GPC5: variants seen among roughly 807,000 people sequenced by gnomAD.
GPC5 encodes the protein glypican-5.
GPC5 carries 47 observed loss-of-function variants against 53.9 expected under a neutral mutation model. The observed-to-expected ratio is 0.87, with a 90% CI of 0.69 to 1.11. The LOEUF (loss-of-function observed/expected upper bound fraction) is 1.11, where lower values mean the gene tolerates loss of function less well. GPC5 is among the 50% of genes most tolerant of loss of function. GPC5 has a pLI of 0.00. For synonymous variants in GPC5, 286 were observed against 263.3 expected (o/e 1.09, Z -0.84); for missense variants, 748 against 713.1 (o/e 1.05, Z -0.56).
intron 2 of GPC5, among the ~76,000 whole-genome samples, chr13:91,557,163 T>C (rs2031005154): frequency 6.6e-6 from 1 of 152,090 alleles, no homozygotes; most frequent in Admixed American, 6.6e-5. Context: ...ATTTACCTTC[T>C]TGCCAGCTAT....
chr13:91,832,180 T>A (rs1420301819), intron 5 of GPC5, among the ~76,000 whole-genome samples: 1 of 152,196 alleles, frequency 6.6e-6, no homozygotes, highest in Non-Finnish European at 1.5e-5. Flanking sequence ...TAGTTAGCTC[T>A]TCTTGTTGCA....
chr13:92,000,428 GTATAT>G (rs1319996342), intron 6 of GPC5, among the ~76,000 whole-genome samples: 1 of 151,920 alleles, frequency 6.6e-6, no homozygotes, highest in Non-Finnish European at 1.5e-5. Context: ...CCAAACTGGA[GTATAT>G]TATATTATAA....
chr13:91,475,187 C>G (rs1882860216), intron 2 of GPC5, among the ~76,000 whole-genome samples: 1 of 152,092 alleles, frequency 6.6e-6, no homozygotes. Flanking sequence ...TTCTCCTGTG[C>G]TTTTTCTGAA....
chr13:91,578,750 G>A lies in GPC5; in HGVS notation c.326-114437G>A, dbSNP rs534505800. Among the ~76,000 whole-genome samples, 45 of 151,720 alleles carry A rather than the reference G, an allele frequency of 3.0e-4. 1 individual carries two copies. Among genetic ancestry groups the A allele is most frequent in the Non-Finnish European group, 5.9e-4 (40 of 67,964 alleles). On this transcript the variant is annotated intron_variant, in intron 2 of 7. Coordinates refer to ENST00000377067, the MANE Select transcript of GPC5 (RefSeq NM_004466.6). ...ATTTTCAAAGTAGTAAGTAATTAAC[G>A]AATGTAAATTTTAGGCCGGGTGCGG...
intron 2 of GPC5, among the ~76,000 whole-genome samples, chr13:91,451,353 G>A (rs1174867250): frequency 2.0e-5 from 3 of 152,126 alleles, no homozygotes; most frequent in Non-Finnish European, 2.9e-5. Flanking sequence ...TGACCCCACG[G>A]AAACATATTT....
intron 7 of GPC5, among the ~76,000 whole-genome samples, chr13:92,452,095 T>G (rs753661167): frequency 6.6e-6 from 1 of 152,158 alleles, no homozygotes; most frequent in Admixed American, 6.5e-5. Context: ...ACAGTTAAAA[T>G]AGTAAATCCC....
chr13:92,772,715 T>C (rs1317578810), intron 7 of GPC5, among the ~76,000 whole-genome samples: 1 of 152,222 alleles, frequency 6.6e-6, no homozygotes, highest in Non-Finnish European at 1.5e-5. Context: ...TGTTCTCTGC[T>C]GTATTTCCAA....
chr13:92,707,727 A>G (rs1284972820), intron 7 of GPC5, among the ~76,000 whole-genome samples: 1 of 152,150 alleles, frequency 6.6e-6, no homozygotes, highest in Non-Finnish European at 1.5e-5. Context: ...TTCTCAGCTT[A>G]GGCTACAATC....
intron 3 of GPC5, among the ~76,000 whole-genome samples, chr13:91,702,470 AT>A (rs1309062433): frequency 8.6e-5 from 13 of 152,008 alleles, no homozygotes; most frequent in Non-Finnish European, 1.3e-4. Flanking sequence ...GCATAAATTT[AT>A]TTCTGGGATC....
intron 7 of GPC5, among the ~76,000 whole-genome samples, chr13:92,230,293 A>G (rs2042520370): frequency 6.6e-6 from 1 of 152,186 alleles, no homozygotes; most frequent in African/African-American, 2.4e-5. Flanking sequence ...GTATATCTTC[A>G]GTGTTGTGCT....
chr13:91,647,134 C>A (rs937004534), intron 2 of GPC5, among the ~76,000 whole-genome samples: 2 of 149,176 alleles, frequency 1.3e-5, no homozygotes, highest in Non-Finnish European at 3.0e-5. Context: ...CTATGGCATT[C>A]ATTCATGTAA....
chr13:91,994,689 A>G (rs955046650), intron 6 of GPC5: 4 of 152,228 alleles, frequency 2.6e-5, no homozygotes, highest in Non-Finnish European at 5.9e-5. Flanking sequence ...CCAGAGCAAC[A>G]GAACAGGGTA....
chr13:92,618,092 A>G (rs768372062), intron 7 of GPC5, among the ~76,000 whole-genome samples: 1 of 152,186 alleles, frequency 6.6e-6, no homozygotes, highest in African/African-American at 2.4e-5. Context: ...CACCAGTGAA[A>G]CTAAGAACAG....
At chr13:92,142,479 T>G (rs562535752) in intron 6 of GPC5, among the ~76,000 whole-genome samples, 4 of 152,310 alleles carry the variant, frequency 2.6e-5, no homozygotes, top group African/African-American at 9.6e-5. Context: ...AGACATTTCC[T>G]AGAATGTCAC....
At chr13:92,205,421 C>T (rs1216400543) in intron 7 of GPC5, among the ~76,000 whole-genome samples, 2 of 152,156 alleles carry the variant, frequency 1.3e-5, no homozygotes, top group African/African-American at 4.8e-5. Flanking sequence ...CACCAGGAGT[C>T]ACCTCATTAG....
intron 7 of GPC5, among the ~76,000 whole-genome samples, chr13:92,559,940 G>T (rs1489045238): frequency 6.6e-6 from 1 of 151,076 alleles, no homozygotes; most frequent in Non-Finnish European, 1.5e-5. Flanking sequence ...GCACCCAAGA[G>T]TTCAGCATTA....
intron 7 of GPC5, among the ~76,000 whole-genome samples, chr13:92,651,747 G>C (rs1041069804): frequency 6.6e-6 from 1 of 152,150 alleles, no homozygotes; most frequent in Non-Finnish European, 1.5e-5. Flanking sequence ...GATGTGGGCT[G>C]TATAGAAGTC....
At chr13:92,127,861 C>T (rs1160044389) in intron 6 of GPC5, among the ~76,000 whole-genome samples, 1 of 152,114 alleles carries the variant, frequency 6.6e-6, no homozygotes, top group Non-Finnish European at 1.5e-5. Flanking sequence ...AGCACAAATA[C>T]ACCCATAGAA....
chr13:91,693,133 G>T, intron 2 of GPC5, 54 bp from the exon 3 acceptor site: 1 of 1,235,068 alleles, frequency 8.1e-7, no homozygotes, highest in Non-Finnish European at 1.2e-6. Context: ...GCAGATGGAC[G>T]GTGTTAGCAT....
Sources: allele counts gnomAD v4.1 joint callset (sites outside exome capture counted in the v4.1 genomes callset), GRCh38; gene constraint gnomAD v4.1.1; transcripts MANE v1.5; gene names NCBI Gene and HGNC (gene_info 2026-07-23, HGNC 2026-07-21).